FAM91A1: variants seen among roughly 807,000 people sequenced by gnomAD.
FAM91A1 encodes the protein protein FAM91A1.
Under a neutral mutation model 113.5 loss-of-function variants are expected in FAM91A1, and 41 were observed. The ratio of observed to expected loss-of-function variants is 0.36; its 90% CI spans 0.28 to 0.47. FAM91A1 has a LOEUF of 0.47. FAM91A1 is among the 20% of genes least tolerant of loss of function. The pLI is 1.00. For missense variants in FAM91A1, 696 were observed against 1,001.2 expected, an observed-to-expected ratio of 0.70 and a Z score of 4.11; for synonymous variants, 307 against 347.9, an observed-to-expected ratio of 0.88 and a Z score of 1.31.
chr8:123,815,405 T>C lies in FAM91A1; in HGVS notation c.*2701T>C, dbSNP rs1381818972. Reference sequence around the variant, plus strand: ...TTGTCAATTTGATTATTGACACATATAACATGTTTACAAATAAACTGTGGT... The same window carrying C: ...TTGTCAATTTGATTATTGACACATACAACATGTTTACAAATAAACTGTGGT... On this transcript the variant is annotated 3_prime_UTR_variant, in exon 24 of 24. Transcript: ENST00000334705. 6.6e-5 allele frequency: 10 copies of C among 152,560 alleles called. No homozygotes were observed. The highest frequency in any genetic ancestry group is 1.5e-4 in the Non-Finnish European group (10 of 68,026). 9.5% of individuals were successfully genotyped at this position (152,560 alleles called of 1,614,324 possible). A position where few individuals can be genotyped will look rare whatever the true frequency, so the allele number is the denominator to read the frequency against.
At chr8:123,791,498 T>G (rs1457077363) in intron 15 of FAM91A1, among the ~76,000 whole-genome samples, 2 of 152,126 alleles carry the variant, frequency 1.3e-5, no homozygotes, top group African/African-American at 2.4e-5. Flanking sequence ...TCCTAACCTT[T>G]AAGGTGGGTT....
chr8:123,808,835 A>T, intron 21 of FAM91A1, 58 bp from the exon 22 acceptor site: 1 of 1,429,744 alleles, frequency 7.0e-7, no homozygotes, highest in African/African-American at 1.4e-5. Context: ...AGTTATATAT[A>T]ATATATACAT....
At chr8:123,797,600 G>A (rs1004061055) in intron 15 of FAM91A1, among the ~76,000 whole-genome samples, 1 of 151,920 alleles carries the variant, frequency 6.6e-6, no homozygotes, top group Non-Finnish European at 1.5e-5. Context: ...TAGTTTTATT[G>A]TAAGAATATA....
chr8:123,806,677 C>T (rs1815820805), intron 20 of FAM91A1, among the ~76,000 whole-genome samples: 1 of 151,974 alleles, frequency 6.6e-6, no homozygotes, highest in African/African-American at 2.4e-5. Flanking sequence ...AGTTAGTTTC[C>T]AAGTTCTGTG....
intron 22 of FAM91A1, among the ~76,000 whole-genome samples, chr8:123,809,693 A>C (rs2130165276): frequency 6.6e-6 from 1 of 152,332 alleles, no homozygotes; most frequent in East Asian, 1.9e-4. Context: ...TTGGACAATA[A>C]TTCATTTAAA....
intron 16 of FAM91A1, 46 bp from the exon 17 acceptor site, chr8:123,799,474 T>C (rs759670844): frequency 1.4e-5 from 22 of 1,583,522 alleles, no homozygotes; most frequent in South Asian, 1.3e-4. Flanking sequence ...CGGTCACTTA[T>C]GTAACACTTT....
rs757897359 is a variant in FAM91A1, at chr8:123,774,131, A to G, written c.124A>G (p.Ile42Val). ...EYEKQVVLYS[I>V]RNQLRYRNNL... ...TGAAAAGCAGGTTGTCCTGTACAGT[A>G]TCCGCAATCAGTTACGATATAGAAA... The change falls in exon 2 of 24, where the codon ATC (isoleucine) becomes GTC (valine). Residue 42 changes from isoleucine to valine, a missense_variant. By Grantham distance (29) the Ile-to-Val change is conservative. Coordinates refer to ENST00000334705, the MANE Select transcript of FAM91A1 (RefSeq NM_144963.4). The G allele has an allele frequency of 5.0e-6, 8 of 1,608,956 alleles. No homozygotes were observed. The highest frequency in any genetic ancestry group is 5.9e-6 in the Non-Finnish European group (7 of 1,178,350).
At chr8:123,771,634 G>A (rs1814840805) in intron 1 of FAM91A1, among the ~76,000 whole-genome samples, 1 of 152,088 alleles carries the variant, frequency 6.6e-6, no homozygotes, top group African/African-American at 2.4e-5. Context: ...CCACTATCTT[G>A]TATTCTTTAT....
chr8:123,770,152 C>T (rs1814805800), intron 1 of FAM91A1, among the ~76,000 whole-genome samples: 1 of 152,150 alleles, frequency 6.6e-6, no homozygotes, highest in Non-Finnish European at 1.5e-5. Flanking sequence ...GGGGTTTCAT[C>T]ATGTTGGCCA....
chr8:123,790,331 G>C (rs759189622), intron 15 of FAM91A1, among the ~76,000 whole-genome samples: 5 of 152,120 alleles, frequency 3.3e-5, no homozygotes, highest in Non-Finnish European at 7.3e-5. Flanking sequence ...TTGAATTGAT[G>C]GTGTCAGAAT....
At chr8:123,793,111 A>T (rs1296256076) in intron 15 of FAM91A1, among the ~76,000 whole-genome samples, 1 of 152,112 alleles carries the variant, frequency 6.6e-6, no homozygotes, top group East Asian at 1.9e-4. Flanking sequence ...CTGCTATCCT[A>T]TACCTCACCC....
intron 4 of FAM91A1, among the ~76,000 whole-genome samples, 196 bp from the exon 5 acceptor site, chr8:123,777,829 T>C (rs964474561): frequency 3.9e-5 from 6 of 152,344 alleles, no homozygotes; most frequent in Non-Finnish European, 8.8e-5. Context: ...GTTAGAAGTG[T>C]CATCTTGAAT....
chr8:123,807,360 G>A (rs1181042833), intron 20 of FAM91A1, among the ~76,000 whole-genome samples: 1 of 151,552 alleles, frequency 6.6e-6, no homozygotes, highest in African/African-American at 2.4e-5. Context: ...ACCAGGCCAG[G>A]CATGGCCAGG....
chr8:123,770,631 T>G (rs1814816421), intron 1 of FAM91A1, among the ~76,000 whole-genome samples: 1 of 152,234 alleles, frequency 6.6e-6, no homozygotes, highest in Admixed American at 6.5e-5. Flanking sequence ...TTCATCAGAA[T>G]AAATGTAGCA....
Position 123,786,522 on chromosome 8 carries a change from C to T in FAM91A1, c.990C>T (p.Leu330=). ...LKSTLDPQKM[L]LSWDGGESRS... is the part of the protein sequence containing the mutation. ...GTACCTTAGATCCACAGAAGATGCT[C>T]TTGTCATGGGATGGAGGGGAAAGTA... is the stretch of plus-strand genomic sequence containing the variant. Residue 330 remains leucine, a synonymous_variant, in exon 12 of 24, where the codon CTC becomes CTT. Coordinates refer to ENST00000334705, the MANE Select transcript of FAM91A1 (RefSeq NM_144963.4). 2 of 1,613,854 alleles carry T rather than the reference C, an allele frequency of 1.2e-6. No individual in the cohort carries two copies. The highest frequency in any genetic ancestry group is 1.7e-6 in the Non-Finnish European group (2 of 1,179,904).
intron 15 of FAM91A1, among the ~76,000 whole-genome samples, chr8:123,792,595 T>G (rs927011810): frequency 3.3e-5 from 5 of 152,226 alleles, no homozygotes; most frequent in African/African-American, 4.8e-5. Context: ...TAAACCACAT[T>G]TGTAGGAAAG....
chr8:123,778,837 A>G lies in FAM91A1; in HGVS notation c.549+65A>G, dbSNP rs1004808843. 7 of 1,057,858 alleles carry G rather than the reference A, an allele frequency of 6.6e-6. No homozygotes were observed. In the African/African-American group the frequency reaches 1.0e-4, roughly 15 times the overall value. The allele number at this position is 1,057,858 out of a possible 1,614,324, so 65.5% of individuals were successfully genotyped here. ...TTAGTTTATTTTACAATTTTTAATT[A>G]TAGCTTATAATTTTTTAAAAAGTAA... On this transcript the variant is annotated intron_variant, in intron 6 of 23. Coordinates refer to ENST00000334705, the MANE Select transcript of FAM91A1 (RefSeq NM_144963.4).
At chr8:123,785,778 TC>T in intron 11 of FAM91A1, 37 bp downstream of exon 11, 1 of 1,226,624 alleles carries the variant, frequency 8.2e-7, no homozygotes, top group Non-Finnish European at 1.1e-6. Flanking sequence ...TATTAGAGTT[TC>T]CTTTTGAAAA....
chr8:123,787,594 A>G (rs1815290013), intron 13 of FAM91A1, 70 bp from the exon 14 acceptor site: 1 of 1,265,388 alleles, frequency 7.9e-7, no homozygotes, highest in Non-Finnish European at 1.1e-6. Flanking sequence ...AGGATAATAT[A>G]AATATTTGAT....
Sources: gnomAD v4.1 joint callset for allele counts (sites outside exome capture counted in the v4.1 genomes callset) on GRCh38, gnomAD v4.1.1 for gene constraint, MANE v1.5 for transcripts, NCBI Gene and HGNC (gene_info 2026-07-23, HGNC 2026-07-21) for gene names.